QKI: variants seen among roughly 807,000 people sequenced by gnomAD.
QKI encodes KH domain-containing RNA-binding protein QKI.
QKI carries 10 observed loss-of-function variants against 39.0 expected under a neutral mutation model. The ratio of observed to expected loss-of-function variants is 0.26; its 90% CI spans 0.16 to 0.43. The LOEUF (loss-of-function observed/expected upper bound fraction) is 0.43. Ranked by LOEUF, QKI falls within the 20% of genes least tolerant of loss-of-function variation. QKI has a pLI of 1.00. For missense variants in QKI, 218 were observed against 428.0 expected, an observed-to-expected ratio of 0.51 and a Z score of 4.33; for synonymous variants, 204 against 155.4, an observed-to-expected ratio of 1.31 and a Z score of -2.33.
At chr6:163,541,160 A>G (rs945306615) in intron 4 of QKI, among the ~76,000 whole-genome samples, 1 of 152,020 alleles carries the variant, frequency 6.6e-6, no homozygotes, top group Non-Finnish European at 1.5e-5. Context: ...AAATAATATT[A>G]TGCTGCGTTT....
chr6:163,556,046 G>A (rs186224297), intron 4 of QKI, among the ~76,000 whole-genome samples: 2 of 152,260 alleles, frequency 1.3e-5, no homozygotes, highest in Non-Finnish European at 2.9e-5. Context: ...CTTTGGATAA[G>A]CTGCCTACCC....
chr6:163,550,431 A>G (rs1249220170), intron 4 of QKI, among the ~76,000 whole-genome samples: 3 of 152,204 alleles, frequency 2.0e-5, no homozygotes, highest in Non-Finnish European at 2.9e-5. Flanking sequence ...CATTTAAACC[A>G]TAGCACATAG....
chr6:163,525,073 C>T (rs926636741), intron 3 of QKI, among the ~76,000 whole-genome samples: 3 of 152,008 alleles, frequency 2.0e-5, no homozygotes, highest in Admixed American at 6.6e-5. Flanking sequence ...ATTAAACATT[C>T]GCATTTTAAA....
intron 3 of QKI, among the ~76,000 whole-genome samples, chr6:163,501,703 A>G (rs565182784): frequency 7.2e-5 from 11 of 152,208 alleles, no homozygotes; most frequent in Non-Finnish European, 1.6e-4. Flanking sequence ...GTTAGCATCC[A>G]TTGTGTATTT....
intron 7 of QKI, chr6:163,567,587 T>C (rs1028881701): frequency 6.1e-6 from 6 of 983,286 alleles, no homozygotes; most frequent in Non-Finnish European, 7.3e-6. Context: ...ACAACTTTTA[T>C]AATTTGTGTC....
intron 1 of QKI, 42 bp from the exon 2 acceptor site, chr6:163,455,237 A>AT (rs747190973): frequency 4.2e-5 from 64 of 1,541,836 alleles, no homozygotes; most frequent in Middle Eastern, 3.5e-4. Flanking sequence ...TAGCAAGAAT[A>AT]TTTTTTTTGT....
At chr6:163,435,778 A>G (rs1322641483) in intron 1 of QKI, among the ~76,000 whole-genome samples, 1 of 152,162 alleles carries the variant, frequency 6.6e-6, no homozygotes, top group Non-Finnish European at 1.5e-5. Context: ...TAAAGGATAT[A>G]GAATATTGTG....
chr6:163,574,692 T>C lies in QKI; in HGVS notation c.*3982T>C, dbSNP rs1391763253. Reference sequence around the variant, plus strand: ...ACTTGGGTAAATTAACCTGTAATTATGAATTATTTAGTTTAACTCAAGGTG... The same window carrying C: ...ACTTGGGTAAATTAACCTGTAATTACGAATTATTTAGTTTAACTCAAGGTG... On this transcript the variant is annotated 3_prime_UTR_variant, in exon 8 of 8. Coordinates refer to ENST00000361752, the MANE Select transcript of QKI (RefSeq NM_006775.3). The C allele has an allele frequency of 6.6e-6, 1 of 152,240 alleles. No individual in the cohort carries two copies. The highest frequency in any genetic ancestry group is 1.5e-5 in the Non-Finnish European group (1 of 68,046). The allele number at this position is 152,240 out of a possible 1,614,324, so 9.4% of individuals were successfully genotyped here.
At chr6:163,418,254 T>C (rs1191457052) in intron 1 of QKI, among the ~76,000 whole-genome samples, 1 of 152,124 alleles carries the variant, frequency 6.6e-6, no homozygotes, top group Admixed American at 6.5e-5. Context: ...AGATTTTAAA[T>C]TTTTTATTTT....
intron 1 of QKI, among the ~76,000 whole-genome samples, chr6:163,427,116 C>A (rs548123194): frequency 6.6e-6 from 1 of 151,922 alleles, no homozygotes; most frequent in Non-Finnish European, 1.5e-5. Context: ...TAAACATGTT[C>A]ATTACTCTCA....
chr6:163,576,572 TTG>T lies in QKI; in HGVS notation c.*5866_*5867del. ...AACATTTAAAATTTTACTGTGGAAATTGTGTATATATATATATATAGTCGAAA... is the reference window on the plus strand; with the variant it reads ...AACATTTAAAATTTTACTGTGGAAATTGTATATATATATATATAGTCGAAA... On this transcript the variant is annotated 3_prime_UTR_variant, in exon 8 of 8. Transcript: ENST00000361752. 1 of 150,264 alleles carries T rather than the reference TTG, an allele frequency of 6.7e-6. No homozygotes were observed. Among genetic ancestry groups the T allele is most frequent in the Middle Eastern group, 3.4e-3 (1 of 294 alleles). 9.3% of individuals were successfully genotyped at this position (150,264 alleles called of 1,614,324 possible). A position where few individuals can be genotyped will look rare whatever the true frequency, so the allele number is the denominator to read the frequency against.
At chr6:163,535,888 C>T (rs546156627) in intron 4 of QKI, among the ~76,000 whole-genome samples, 10 of 151,994 alleles carry the variant, frequency 6.6e-5, no homozygotes, top group Non-Finnish European at 1.2e-4. Flanking sequence ...GCTGAGATTG[C>T]GCCACTATAC....
chr6:163,481,225 A>G (rs1406492607), intron 3 of QKI, among the ~76,000 whole-genome samples: 1 of 151,130 alleles, frequency 6.6e-6, no homozygotes, highest in Non-Finnish European at 1.5e-5. Flanking sequence ...GTCCATGTAT[A>G]TATAGACATG....
At chr6:163,416,876 A>T (rs1354170521) in intron 1 of QKI, among the ~76,000 whole-genome samples, 1 of 151,174 alleles carries the variant, frequency 6.6e-6, no homozygotes, top group African/African-American at 2.4e-5. Context: ...TTGTGTTGGC[A>T]TTTGAAAGAT....
At chr6:163,525,065 T>TA (rs1445687548) in intron 3 of QKI, among the ~76,000 whole-genome samples, 1 of 152,186 alleles carries the variant, frequency 6.6e-6, no homozygotes, top group Non-Finnish European at 1.5e-5. Flanking sequence ...AAATGAATAT[T>TA]AAACATTCGC....
intron 1 of QKI, among the ~76,000 whole-genome samples, chr6:163,424,151 T>G (rs1788217035): frequency 6.6e-6 from 1 of 152,220 alleles, no homozygotes; most frequent in African/African-American, 2.4e-5. Context: ...ACAGCAATTA[T>G]ATCCCTTTGA....
chr6:163,470,124 A>G (rs1428905698), intron 2 of QKI, among the ~76,000 whole-genome samples: 1 of 152,164 alleles, frequency 6.6e-6, no homozygotes, highest in African/African-American at 2.4e-5. Flanking sequence ...ATGATCAAGG[A>G]TATAACCGTG....
intron 3 of QKI, among the ~76,000 whole-genome samples, chr6:163,513,028 C>A (rs1331874795): frequency 2.0e-5 from 3 of 152,150 alleles, no homozygotes; most frequent in African/African-American, 7.2e-5. Flanking sequence ...CGAGAGATCA[C>A]ATTCACACAA....
At chr6:163,480,677 A>G (rs576373106) in intron 3 of QKI, among the ~76,000 whole-genome samples, 2 of 152,336 alleles carry the variant, frequency 1.3e-5, no homozygotes, top group East Asian at 3.9e-4. Context: ...AATCTTAAAA[A>G]AATGTGCATA....
Sources: gnomAD v4.1 joint callset for allele counts (sites outside exome capture counted in the v4.1 genomes callset) on GRCh38, gnomAD v4.1.1 for gene constraint, MANE v1.5 for transcripts, NCBI Gene and HGNC (gene_info 2026-07-23, HGNC 2026-07-21) for gene names.